TMEM132D: variants seen among roughly 807,000 people sequenced by gnomAD.
TMEM132D encodes transmembrane protein 132D, also known as mature OL transmembrane protein.
TMEM132D carries 21 observed loss-of-function variants against 62.3 expected under a neutral mutation model. That is an observed-to-expected ratio of 0.34 (90% confidence interval 0.24 to 0.49). TMEM132D has a LOEUF of 0.49. Ranked by LOEUF, TMEM132D falls within the 20% of genes least tolerant of loss-of-function variation. The pLI is 0.99. For synonymous variants in TMEM132D, 621 were observed against 575.6 expected (o/e 1.08, Z -1.13); for missense variants, 1,346 against 1,402.8 (o/e 0.96, Z 0.65).
intron 3 of TMEM132D, among the ~76,000 whole-genome samples, chr12:129,372,200 T>G (rs1870625254): frequency 6.6e-6 from 1 of 152,186 alleles, no homozygotes; most frequent in Non-Finnish European, 1.5e-5. Flanking sequence ...TGCCAACAGC[T>G]TTCCTTTACC....
intron 1 of TMEM132D, among the ~76,000 whole-genome samples, chr12:129,739,351 C>A (rs59596528): frequency 0.031 from 4,672 of 152,180 alleles, 221 homozygotes; most frequent in African/African-American, 0.11. Context: ...AGCCTCTAGC[C>A]AAGGCAAGGC....
At chr12:129,695,444 C>G (rs556478748) in intron 2 of TMEM132D, among the ~76,000 whole-genome samples, 4 of 152,216 alleles carry the variant, frequency 2.6e-5, no homozygotes, top group Middle Eastern at 3.4e-3. Flanking sequence ...AAAGCCTGTC[C>G]GCCTCTCACT....
At chr12:129,328,847 A>G (rs571649411) in intron 4 of TMEM132D, among the ~76,000 whole-genome samples, 183 of 152,094 alleles carry the variant, frequency 1.2e-3, no homozygotes, top group East Asian at 5.6e-3. Flanking sequence ...ATTTCAGCTC[A>G]GCTTCTTAGC....
chr12:129,771,609 T>C (rs1456028070), intron 1 of TMEM132D, among the ~76,000 whole-genome samples: 2 of 152,202 alleles, frequency 1.3e-5, no homozygotes, highest in Admixed American at 1.3e-4. Flanking sequence ...CCTTGTTCCT[T>C]AACACCAAGA....
At chr12:129,207,714 T>C (rs1878896242) in intron 5 of TMEM132D, among the ~76,000 whole-genome samples, 1 of 152,134 alleles carries the variant, frequency 6.6e-6, no homozygotes, top group Non-Finnish European at 1.5e-5. Flanking sequence ...ATTCTGTCTC[T>C]GTAAATACTT....
At chr12:129,695,383 A>G (rs151089878) in intron 2 of TMEM132D, among the ~76,000 whole-genome samples, 1 of 152,362 alleles carries the variant, frequency 6.6e-6, no homozygotes, top group East Asian at 1.9e-4. Context: ...ATATGGGAAC[A>G]CTGCAATAAG....
intron 5 of TMEM132D, among the ~76,000 whole-genome samples, chr12:129,190,900 C>T (rs914900983): frequency 5.3e-5 from 8 of 152,252 alleles, no homozygotes; most frequent in African/African-American, 7.2e-5. Flanking sequence ...GCTGTCCTGC[C>T]GGTGAGACCC....
intron 4 of TMEM132D, among the ~76,000 whole-genome samples, chr12:129,274,722 T>TA (rs1195525283): frequency 6.6e-6 from 1 of 151,802 alleles, no homozygotes; most frequent in Non-Finnish European, 1.5e-5. Context: ...CCGTCTCTAC[T>TA]AAAAAATACA....
chr12:129,075,106 T>C, intron 8 of TMEM132D, 47 bp from the exon 9 acceptor site: 3 of 1,525,218 alleles, frequency 2.0e-6, no homozygotes, highest in South Asian at 1.2e-5. Context: ...AAAAAGCTCA[T>C]TGAGCCCCAA....
chr12:129,520,049 G>A (rs185355632), intron 3 of TMEM132D, among the ~76,000 whole-genome samples: 3 of 152,254 alleles, frequency 2.0e-5, no homozygotes, highest in Admixed American at 2.0e-4. Flanking sequence ...TAAGTATCTT[G>A]TACAGTACTG....
intron 2 of TMEM132D, chr12:129,681,346 G>A (rs1166825707): frequency 1.3e-5 from 2 of 152,218 alleles, no homozygotes; most frequent in Admixed American, 6.5e-5. Context: ...TCAGTTGGGA[G>A]ATTCTTCTGC....
At position 129,731,276 on chromosome 12, in the gene TMEM132D, C is replaced by T. The variant is rs115495449; in HGVS notation, c.80-30578G>A. On this transcript the variant is annotated intron_variant, in intron 1 of 8. Transcript: ENST00000422113. Reference sequence around the variant, plus strand: ...CAGACTCAGCAATGACCCAAACACACGATTACTGCCCTCTCGAAACATACT... The same window carrying T: ...CAGACTCAGCAATGACCCAAACACATGATTACTGCCCTCTCGAAACATACT... Among the ~76,000 whole-genome samples the T allele has an allele frequency of 5.4e-3, 819 of 152,142 alleles. 4 individuals are homozygous for T. Among genetic ancestry groups the T allele is most frequent in the African/African-American group, 0.019 (773 of 41,504 alleles).
chr12:129,254,968 G>C (rs1880363150), intron 4 of TMEM132D, among the ~76,000 whole-genome samples: 1 of 152,120 alleles, frequency 6.6e-6, no homozygotes, highest in African/African-American at 2.4e-5. Context: ...GGAGGTGATT[G>C]GATCGTGGGG....
At chr12:129,643,024 A>C (rs563401795) in intron 2 of TMEM132D, among the ~76,000 whole-genome samples, 22 of 146,262 alleles carry the variant, frequency 1.5e-4, no homozygotes, top group African/African-American at 5.1e-4. Flanking sequence ...TCCCAGGTTC[A>C]AGGGATTCTC....
chr12:129,631,600 A>G (rs146559097), intron 2 of TMEM132D, among the ~76,000 whole-genome samples: 12 of 152,360 alleles, frequency 7.9e-5, no homozygotes, highest in African/African-American at 2.9e-4. Flanking sequence ...TAGGAGCAGA[A>G]GAAATGGGAT....
At chr12:129,502,149 G>A (rs967497942) in intron 3 of TMEM132D, among the ~76,000 whole-genome samples, 7 of 152,118 alleles carry the variant, frequency 4.6e-5, no homozygotes, top group Middle Eastern at 3.4e-3. Context: ...ACAGGCGTCC[G>A]TCACCACGCC....
At chr12:129,496,977 G>C (rs1874977826) in intron 3 of TMEM132D, among the ~76,000 whole-genome samples, 1 of 152,180 alleles carries the variant, frequency 6.6e-6, no homozygotes, top group African/African-American at 2.4e-5. Flanking sequence ...CAGAGGGCTG[G>C]ATGGGCTTGG....
rs10083140 is a variant in TMEM132D at position 129,290,699 on chromosome 12, T to A, written c.1299+46935A>T. Among the ~76,000 whole-genome samples the A allele has an allele frequency of 5.7e-3, 874 of 152,324 alleles. 22 individuals are homozygous for A. Among genetic ancestry groups the A allele is most frequent in the Admixed American group, 0.048 (736 of 15,304 alleles). ...TTCAGGATGTGGGTGGTAGCCTTAT[T>A]TGCAATATTTTAAACATGATAATAT... On this transcript the variant is annotated intron_variant, in intron 4 of 8. Coordinates refer to ENST00000422113, the MANE Select transcript of TMEM132D (RefSeq NM_133448.3).
At chr12:129,142,539 T>C (rs1876775616) in intron 5 of TMEM132D, among the ~76,000 whole-genome samples, 2 of 152,216 alleles carry the variant, frequency 1.3e-5, no homozygotes, top group East Asian at 3.9e-4. Context: ...ATTCTAATTA[T>C]ATGTTTAGAA....
Sources: allele counts gnomAD v4.1 joint callset (sites outside exome capture counted in the v4.1 genomes callset), GRCh38; gene constraint gnomAD v4.1.1; transcripts MANE v1.5; gene names NCBI Gene and HGNC (gene_info 2026-07-23, HGNC 2026-07-21).